Variants in TENM1 observed in about 807,000 individuals in gnomAD.
TENM1 encodes teneurin transmembrane protein 1, also known as teneurin-1.
Under a neutral mutation model 174.8 loss-of-function variants are expected in TENM1, and 35 were observed. That is an observed-to-expected ratio of 0.20 (90% CI 0.15 to 0.27). The LOEUF (loss-of-function observed/expected upper bound fraction) is 0.27. Among genes scored for constraint, TENM1 ranks in the 10% least tolerant of loss-of-function variants. The pLI is 1.00. For synonymous variants in TENM1, 781 were observed against 798.7 expected (o/e 0.98, Z 0.37); for missense variants, 1,633 against 2,130.1 (o/e 0.77, Z 4.59).
intron 6 of TENM1, among the ~76,000 whole-genome samples, chrX:124,661,438 T>G (rs776867654): frequency 1.8e-4 from 20 of 112,055 alleles, no homozygotes; most frequent in Non-Finnish European, 2.1e-4. Context: ...TCCAAGTGGT[T>G]TTAGAATGTT....
At chrX:124,989,865 T>G in the TENM1 span, among the ~76,000 whole-genome samples, 1 of 111,869 alleles carries the variant, frequency 8.9e-6, no homozygotes, top group Non-Finnish European at 1.9e-5. Flanking sequence ...AAACATTTGT[T>G]GAATAAATGA....
intron 22 of TENM1, among the ~76,000 whole-genome samples, chrX:124,471,373 T>TTATATATTA (rs2061319211): frequency 1.2e-4 from 4 of 33,741 alleles, no homozygotes; most frequent in African/African-American, 2.6e-4. Context: ...GTACTATATA[T>TTATATATTA]TATAATATAT....
At chrX:124,926,347 C>T (rs2058091538) in intron 1 of TENM1, among the ~76,000 whole-genome samples, 1 of 111,895 alleles carries the variant, frequency 8.9e-6, no homozygotes, top group African/African-American at 3.2e-5. Flanking sequence ...GCATAGGATG[C>T]TTGTGAAGAT....
intron 23 of TENM1, among the ~76,000 whole-genome samples, chrX:124,448,798 C>A (rs1386077386): frequency 1.8e-5 from 2 of 111,819 alleles, no homozygotes; most frequent in East Asian, 5.7e-4. Flanking sequence ...CATGGTGATA[C>A]TAAATTCCAG....
chrX:124,756,354 C>T (rs1386762630), intron 3 of TENM1, among the ~76,000 whole-genome samples: 1 of 103,325 alleles, frequency 9.7e-6, no homozygotes, highest in Non-Finnish European at 1.9e-5. Context: ...CTCCTTTAAG[C>T]ACTTCTCTGT....
rs774678658 is a variant in TENM1, at chrX:124,898,840, T to TA, written c.218-2600dup. 1.2e-3 allele frequency among the ~76,000 whole-genome samples: 136 copies of TA among 112,250 alleles called. 2 individuals are homozygous for TA. The Admixed American group carries it at 0.013, about 11-fold the overall frequency. On this transcript the variant is annotated intron_variant, in intron 1 of 31. Transcript: ENST00000422452. Reference sequence around the variant, plus strand: ...AACAATTTATTTTCTATTGTAACTATATCCTGCTTTGCCTACAAAGACTGA... The same window carrying TA: ...AACAATTTATTTTCTATTGTAACTATAATCCTGCTTTGCCTACAAAGACTGA...
At chrX:125,056,083 T>C in the TENM1 span, among the ~76,000 whole-genome samples, 1 of 110,797 alleles carries the variant, frequency 9.0e-6, no homozygotes, top group African/African-American at 3.3e-5. Flanking sequence ...TATTTGTATA[T>C]TTGCGTATGT....
the TENM1 span, among the ~76,000 whole-genome samples, chrX:125,150,877 T>A: frequency 8.9e-6 from 1 of 112,474 alleles, no homozygotes; most frequent in African/African-American, 3.2e-5. Flanking sequence ...GAAAAATTGC[T>A]TCAGTGAGAT....
intron 3 of TENM1, among the ~76,000 whole-genome samples, chrX:124,830,311 T>G (rs1603234796): frequency 8.9e-6 from 1 of 111,815 alleles, no homozygotes; most frequent in African/African-American, 3.3e-5. Flanking sequence ...CTTCAGAAAC[T>G]GAGCGAAAAC....
chrX:124,502,147 G>A (rs1347535250), intron 19 of TENM1, among the ~76,000 whole-genome samples: 1 of 112,115 alleles, frequency 8.9e-6, no homozygotes, highest in Non-Finnish European at 1.9e-5. Flanking sequence ...TCACTGAAGT[G>A]TACATTTATA....
chrX:124,844,506 G>A (rs2056569402), intron 3 of TENM1, among the ~76,000 whole-genome samples: 1 of 111,340 alleles, frequency 9.0e-6, no homozygotes, highest in African/African-American at 3.3e-5. Flanking sequence ...GTTGACGGGG[G>A]TGGTAATCAT....
chrX:124,433,665 C>A (rs1171229068), intron 23 of TENM1, among the ~76,000 whole-genome samples: 1 of 111,920 alleles, frequency 8.9e-6, no homozygotes, highest in East Asian at 2.8e-4. Context: ...TGTTTTTGGT[C>A]CATGAAAGCA....
chrX:124,715,600 T>A (rs1229842218), intron 4 of TENM1, among the ~76,000 whole-genome samples: 1 of 110,633 alleles, frequency 9.0e-6, no homozygotes, highest in African/African-American at 3.3e-5. Flanking sequence ...TTTTTTCATC[T>A]TCTCTTTTCT....
chrX:124,457,720 G>A (rs1356377454), intron 22 of TENM1, among the ~76,000 whole-genome samples: 2 of 111,692 alleles, frequency 1.8e-5, no homozygotes, highest in East Asian at 5.6e-4. Flanking sequence ...CCTGGAAATA[G>A]TAGCTAAATC....
At chrX:124,921,638 C>T (rs1207853947) in intron 1 of TENM1, among the ~76,000 whole-genome samples, 9 of 111,464 alleles carry the variant, frequency 8.1e-5, no homozygotes, top group African/African-American at 2.9e-4. Context: ...TATAATCCTT[C>T]TCACTTCTCT....
intron 4 of TENM1, among the ~76,000 whole-genome samples, chrX:124,705,494 AT>A (rs1317073768): frequency 1.9e-4 from 21 of 108,584 alleles, no homozygotes; most frequent in African/African-American, 6.4e-4. Flanking sequence ...GTGTTCCCCG[AT>A]TTGCTGGCTA....
At chrX:124,812,700 T>C (rs2055810177) in intron 3 of TENM1, among the ~76,000 whole-genome samples, 1 of 111,167 alleles carries the variant, frequency 9.0e-6, no homozygotes, top group Non-Finnish European at 1.9e-5. Flanking sequence ...TCCTTCCTCA[T>C]ATGCCAGTTT....
At chrX:124,586,068 C>T (rs765164404) in intron 11 of TENM1, among the ~76,000 whole-genome samples, 2 of 109,581 alleles carry the variant, frequency 1.8e-5, no homozygotes, top group African/African-American at 6.7e-5. Context: ...CAAAAAGAGT[C>T]CAGGACCAGA....
At chrX:124,901,616 T>C (rs1394701937) in intron 1 of TENM1, among the ~76,000 whole-genome samples, 2 of 111,122 alleles carry the variant, frequency 1.8e-5, no homozygotes, top group Non-Finnish European at 3.8e-5. Flanking sequence ...TAGCTGGGAC[T>C]ACAGGCATGC....
Sources: gnomAD v4.1 joint callset for allele counts (sites outside exome capture counted in the v4.1 genomes callset) on GRCh38, gnomAD v4.1.1 for gene constraint, MANE v1.5 for transcripts, NCBI Gene and HGNC (gene_info 2026-07-23, HGNC 2026-07-21) for gene names.